Variants in PRDM2 observed in about 807,000 individuals in gnomAD.
PRDM2 encodes PR/SET domain 2, also known as PR domain zinc finger protein 2.
Under a neutral mutation model 130.0 loss-of-function variants are expected in PRDM2, and 30 were observed. The ratio of observed to expected loss-of-function variants is 0.23; its 90% CI spans 0.17 to 0.31. The LOEUF (loss-of-function observed/expected upper bound fraction) is 0.31. Ranked by LOEUF, PRDM2 falls within the 10% of genes least tolerant of loss-of-function variation. The probability of loss-of-function intolerance (pLI) is 1.00; values close to 1 mark genes in which losing one functional copy is unlikely to be tolerated. For missense variants in PRDM2, 2,011 were observed against 2,108.4 expected (o/e 0.95, Z 0.90); for synonymous variants, 871 against 782.4 (o/e 1.11, Z -1.89).
At chr1:13,811,643 C>T (rs1557676231) in intron 8 of PRDM2, among the ~76,000 whole-genome samples, 1 of 152,210 alleles carries the variant, frequency 6.6e-6, no homozygotes, top group African/African-American at 2.4e-5. Context: ...GTCAGCAAGA[C>T]TCAGTCCCTG....
At chr1:13,754,506 A>G (rs1643903857) in intron 6 of PRDM2, among the ~76,000 whole-genome samples, 1 of 152,236 alleles carries the variant, frequency 6.6e-6, no homozygotes. Flanking sequence ...CTTTTCTTCT[A>G]CATAATGTGG....
chr1:13,702,180 A>G (rs1405137024), intron 1 of PRDM2, among the ~76,000 whole-genome samples: 1 of 152,136 alleles, frequency 6.6e-6, no homozygotes, highest in Admixed American at 6.5e-5. Flanking sequence ...ATTCACATAT[A>G]TATATATTTA....
intron 1 of PRDM2, among the ~76,000 whole-genome samples, chr1:13,714,105 G>A (rs188914594): frequency 8.8e-4 from 134 of 152,194 alleles, no homozygotes; most frequent in African/African-American, 3.0e-3. Context: ...TCCTGACCTC[G>A]TGATCCACCT....
At position 13,783,246 on chromosome 1, in the gene PRDM2, C is replaced by A. The variant is rs368196091; in HGVS notation, c.5036+415C>A. On this transcript the variant is annotated intron_variant, in intron 8 of 9. Transcript: ENST00000311066. Reference sequence around the variant, plus strand: ...CTAAGTTCATTAGTAAACCATGTTACAATCTTGTTTAATATTTCTGTGACT... The same window carrying A: ...CTAAGTTCATTAGTAAACCATGTTAAAATCTTGTTTAATATTTCTGTGACT... The A allele has an allele frequency of 1.7e-5, 8 of 477,020 alleles. No homozygotes were observed. In the Admixed American group the frequency reaches 1.9e-4, roughly 11 times the overall value. 29.5% of individuals were successfully genotyped at this position (477,020 alleles called of 1,614,324 possible).
chr1:13,806,375 G>A lies in PRDM2; in HGVS notation c.5037-10052G>A, dbSNP rs554910862. On this transcript the variant is annotated intron_variant, in intron 8 of 9. Coordinates refer to ENST00000311066, the MANE Select transcript of PRDM2 (RefSeq NM_001393986.1). This position sits in a 1 kb window ranked among gnomAD's most constrained non-coding sequence, Gnocchi z 4.1. ...CCACCTGGATGCTGACCAATCCCGG[G>A]TTTCCACCCTCATCAGAATCTCCAT... 1.3e-5 allele frequency among the ~76,000 whole-genome samples: 2 copies of A among 152,210 alleles called. No homozygotes were observed. The highest frequency in any genetic ancestry group is 3.9e-4 in the East Asian group (2 of 5,168).
chr1:13,760,173 A>G (rs749197081), intron 6 of PRDM2, among the ~76,000 whole-genome samples: 1 of 152,174 alleles, frequency 6.6e-6, no homozygotes, highest in Non-Finnish European at 1.5e-5. Flanking sequence ...AGAAAAAGTG[A>G]TACTTACTCA....
Position 13,742,251 on chromosome 1 carries a change from A to T in PRDM2, c.384+94A>T, listed in dbSNP as rs572536759. ...GGTCTCATTCTGTCTCTCAGGCTGG[A>T]GTGCAGGGGCTCCATCACGGCTCAC... is the stretch of plus-strand genomic sequence containing the variant. On this transcript the variant is annotated intron_variant, in intron 5 of 9. Transcript: ENST00000311066. 51 of 1,381,360 alleles carry T rather than the reference A, an allele frequency of 3.7e-5. No individual in the cohort carries two copies. In the African/African-American group the frequency reaches 7.2e-4, roughly 20 times the overall value. The allele number at this position is 1,381,360 out of a possible 1,614,324, so 85.6% of individuals were successfully genotyped here.
intron 5 of PRDM2, among the ~76,000 whole-genome samples, chr1:13,748,460 G>A (rs1473583051): frequency 6.6e-6 from 1 of 152,132 alleles, no homozygotes; most frequent in Non-Finnish European, 1.5e-5. Flanking sequence ...TTCACATGAG[G>A]CTGGACTCAC....
At chr1:13,765,576 C>T (rs1644207341) in intron 6 of PRDM2, among the ~76,000 whole-genome samples, 1 of 152,132 alleles carries the variant, frequency 6.6e-6, no homozygotes, top group South Asian at 2.1e-4. Context: ...AGCGATTATC[C>T]TGTCTCAGCC....
intron 6 of PRDM2, among the ~76,000 whole-genome samples, chr1:13,768,385 C>CTT (rs879709838): frequency 5.0e-5 from 7 of 138,680 alleles, no homozygotes; most frequent in Non-Finnish European, 9.5e-5. Context: ...GCCCGGCCTT[C>CTT]TTTTTTTTTT....
At position 13,780,947 on chromosome 1, in the gene PRDM2, T is replaced by G; in HGVS notation, c.3152T>G (p.Leu1051Arg). The change falls in exon 8 of 10, where the codon CTT becomes CGT. Residue 1051 changes from leucine to arginine, a missense_variant. Leu to Arg is a moderately radical substitution (Grantham distance 102). Coordinates refer to ENST00000311066, the MANE Select transcript of PRDM2 (RefSeq NM_001393986.1). The stretch of plus-strand genomic sequence containing the variant: ...GCCGCCTCACCCGGGCCTCCAACAC[T>G]TTCTTCTTCCTCCTCTTCATCTTCC... ...MSAASPGPPT[L>R]SSSSSSSSSS... is the part of the protein sequence containing the mutation. The G allele has an allele frequency of 6.2e-7, 1 of 1,609,996 alleles. No individual in the cohort carries two copies. Among genetic ancestry groups the G allele is most frequent in the Non-Finnish European group, 8.5e-7 (1 of 1,176,634 alleles).
chr1:13,723,729 T>TTCTCA (rs1642811315), intron 2 of PRDM2, among the ~76,000 whole-genome samples: 1 of 152,332 alleles, frequency 6.6e-6, no homozygotes, highest in South Asian at 2.1e-4. Flanking sequence ...CCATCGAGGA[T>TTCTCA]TCTCATCCAC....
rs1237117233 is a variant in PRDM2 at position 13,824,083 on chromosome 1, CA to C, written c.*949del. 6.6e-6 allele frequency: 1 copy of C among 152,636 alleles called. No individual in the cohort carries two copies. The highest frequency in any genetic ancestry group is 1.5e-5 in the Non-Finnish European group (1 of 68,046). The allele number at this position is 152,636 out of a possible 1,614,324, so 9.5% of individuals were successfully genotyped here. ...GAAGAGATTTCGGAGGCCATCCTGC[CA>C]GGGGCGGACGGGGCTGACTCCTGCT... On this transcript the variant is annotated 3_prime_UTR_variant, in exon 10 of 10. Transcript: ENST00000311066.
chr1:13,713,059 A>G (rs1308011155), intron 1 of PRDM2, among the ~76,000 whole-genome samples: 1 of 152,120 alleles, frequency 6.6e-6, no homozygotes, highest in Admixed American at 6.5e-5. Flanking sequence ...TCCTGGTTTG[A>G]AGCTCGTCCC....
At chr1:13,782,926 TTTTC>T in intron 8 of PRDM2, 95 bp downstream of exon 8, 2 of 1,574,940 alleles carry the variant, frequency 1.3e-6, no homozygotes, top group East Asian at 2.2e-5. Context: ...TTTTTTTTTT[TTTTC>T]CCCACTTAAA....
intron 4 of PRDM2, among the ~76,000 whole-genome samples, chr1:13,741,555 A>G (rs1643441992): frequency 6.6e-6 from 1 of 152,208 alleles, no homozygotes; most frequent in Non-Finnish European, 1.5e-5. Flanking sequence ...ATACTCGATT[A>G]GCAGAGCAAC....
chr1:13,714,018 G>A (rs1479410024), intron 1 of PRDM2, among the ~76,000 whole-genome samples: 1 of 152,142 alleles, frequency 6.6e-6, no homozygotes, highest in Non-Finnish European at 1.5e-5. Flanking sequence ...ACAGGCGCCT[G>A]CCACCACACC....
chr1:13,804,594 G>T (rs185135057), intron 8 of PRDM2, among the ~76,000 whole-genome samples: 3 of 152,150 alleles, frequency 2.0e-5, no homozygotes, highest in South Asian at 2.1e-4. Flanking sequence ...CAAGCTCCGG[G>T]GGGGGAAATG....
intron 6 of PRDM2, among the ~76,000 whole-genome samples, chr1:13,769,546 T>C (rs941079153): frequency 5.9e-5 from 9 of 152,194 alleles, no homozygotes; most frequent in Non-Finnish European, 1.3e-4. Flanking sequence ...AATAGCCCCT[T>C]CATCTCTAGT....
Sources: gnomAD v4.1 joint callset for allele counts (sites outside exome capture counted in the v4.1 genomes callset) on GRCh38, gnomAD v4.1.1 for gene constraint, Gnocchi (gnomAD v3.1) non-coding constraint, MANE v1.5 for transcripts, NCBI Gene and HGNC (gene_info 2026-07-23, HGNC 2026-07-21) for gene names.